Variants in PCDH11Y observed in about 807,000 individuals in gnomAD.
PCDH11Y encodes protocadherin 11 Y-linked.
For missense variants in PCDH11Y, 12 were observed against 224.8 expected, an observed-to-expected ratio of 0.05 and a Z score of 6.05; for synonymous variants, 9 against 83.6, an observed-to-expected ratio of 0.11 and a Z score of 4.87.
chrY:5,237,465 A>G (rs2052976726), intron 2 of PCDH11Y, among the ~76,000 whole-genome samples: 4 of 33,170 alleles, frequency 1.2e-4, no homozygotes, highest in Admixed American at 1.1e-3. Flanking sequence ...AGCCAATATC[A>G]TACTGAATGG....
intron 2 of PCDH11Y, among the ~76,000 whole-genome samples, chrY:5,203,636 C>G: frequency 3.2e-5 from 1 of 30,941 alleles, no homozygotes; most frequent in East Asian, 9.0e-4. Flanking sequence ...TCAGACTGAA[C>G]ATATCATATA....
chrY:5,383,047 C>CA (rs2053206762), intron 2 of PCDH11Y, among the ~76,000 whole-genome samples: 1 of 31,734 alleles, frequency 3.2e-5, no homozygotes, highest in African/African-American at 1.2e-4. Flanking sequence ...ACCGAAATTA[C>CA]AAAAAAATCA....
At chrY:5,423,841 G>C (rs2053260570) in intron 2 of PCDH11Y, among the ~76,000 whole-genome samples, 2 of 33,112 alleles carry the variant, frequency 6.0e-5, no homozygotes, top group Admixed American at 2.8e-4. Context: ...TGTTTGGAAA[G>C]ATAAAAATTC....
At chrY:5,178,427 T>C in intron 2 of PCDH11Y, among the ~76,000 whole-genome samples, 1 of 32,424 alleles carries the variant, frequency 3.1e-5, no homozygotes, top group Non-Finnish European at 7.6e-5. Context: ...GTTACTTTGC[T>C]GTTATTTAGA....
chrY:5,425,614 A>T, intron 2 of PCDH11Y, among the ~76,000 whole-genome samples: 2 of 32,920 alleles, frequency 6.1e-5, no homozygotes, highest in Non-Finnish European at 1.5e-4. Context: ...GTTAATTGTC[A>T]GTGTTAGATT....
chrY:5,671,633 T>G, intron 4 of PCDH11Y, among the ~76,000 whole-genome samples: 1 of 32,385 alleles, frequency 3.1e-5, no homozygotes, highest in Non-Finnish European at 7.7e-5. Flanking sequence ...CTGACCTTGT[T>G]CATGAGTTCT....
chrY:5,091,623 A>C, intron 1 of PCDH11Y, among the ~76,000 whole-genome samples: 1 of 33,609 alleles, frequency 3.0e-5, no homozygotes, highest in Non-Finnish European at 7.5e-5. Context: ...TTGTGAATTT[A>C]AATTAACACT....
At chrY:5,331,838 G>A in intron 2 of PCDH11Y, among the ~76,000 whole-genome samples, 1 of 33,466 alleles carries the variant, frequency 3.0e-5, no homozygotes, top group African/African-American at 1.2e-4. Context: ...CCTTAACCTT[G>A]GCAAAATAAA....
At chrY:5,345,947 G>T in intron 2 of PCDH11Y, among the ~76,000 whole-genome samples, 1 of 33,311 alleles carries the variant, frequency 3.0e-5, no homozygotes, top group Non-Finnish European at 7.4e-5. Flanking sequence ...ACAGGCGTGA[G>T]CCACCACGCC....
intron 3 of PCDH11Y, chrY:5,573,380 C>T: frequency 3.5e-6 from 1 of 284,621 alleles, no homozygotes; most frequent in East Asian, 9.6e-5. Context: ...GCATCCAGAA[C>T]AAGAAGACCA....
chrY:5,103,719 C>T, downstream of PCDH11Y, among the ~76,000 whole-genome samples: 1 of 32,254 alleles, frequency 3.1e-5, no homozygotes, highest in African/African-American at 1.2e-4. Flanking sequence ...TGAGGCTACA[C>T]ATTATCTTCT....
At chrY:5,473,204 T>C in intron 2 of PCDH11Y, among the ~76,000 whole-genome samples, 2 of 29,664 alleles carry the variant, frequency 6.7e-5, no homozygotes, top group Non-Finnish European at 1.6e-4. Flanking sequence ...CTTACCATTG[T>C]AGTAGTTTTT....
intron 4 of PCDH11Y, among the ~76,000 whole-genome samples, chrY:5,620,442 A>G: frequency 3.2e-5 from 1 of 31,462 alleles, no homozygotes; most frequent in African/African-American, 1.3e-4. Flanking sequence ...TCACAGGACC[A>G]TACAGATTCA....
At chrY:5,545,055 C>T in intron 3 of PCDH11Y, among the ~76,000 whole-genome samples, 1 of 32,085 alleles carries the variant, frequency 3.1e-5, no homozygotes, top group Admixed American at 2.9e-4. Flanking sequence ...ATTAAATTTT[C>T]ATTAACCTAG....
At chrY:5,291,964 G>A in intron 2 of PCDH11Y, among the ~76,000 whole-genome samples, 2 of 32,355 alleles carry the variant, frequency 6.2e-5, no homozygotes, top group Non-Finnish European at 1.5e-4. Context: ...ATCAGGAAGA[G>A]GTGTTTAATT....
intron 2 of PCDH11Y, among the ~76,000 whole-genome samples, chrY:5,173,093 C>T: frequency 3.1e-5 from 1 of 32,673 alleles, no homozygotes; most frequent in Non-Finnish European, 7.6e-5. Context: ...CTTTTGTCAC[C>T]TGGGTAACTG....
rs1602886683 is a variant in PCDH11Y at position 5,209,623 on chromosome Y, A to T, written c.3129+108916A>T. 9.0e-5 allele frequency among the ~76,000 whole-genome samples: 3 copies of T among 33,340 alleles called. No homozygotes were observed. In the East Asian group the frequency reaches 2.4e-3, roughly 27 times the overall value. 89.4% of individuals were successfully genotyped at this position (33,340 alleles called of 37,273 possible). A position where few individuals can be genotyped will look rare whatever the true frequency, so the allele number is the denominator to read the frequency against. On this transcript the variant is annotated intron_variant, in intron 2 of 4. Coordinates refer to the PCDH11Y transcript ENST00000400457. The stretch of plus-strand genomic sequence containing the variant: ...CTTTTTTTGTGCTGTTCCTCTAAGG[A>T]TTGCTTTCCTTTTCTTATGATCTAA...
At chrY:5,330,326 T>A in intron 2 of PCDH11Y, among the ~76,000 whole-genome samples, 1 of 32,991 alleles carries the variant, frequency 3.0e-5, no homozygotes, top group Admixed American at 2.7e-4. Context: ...GGCAGGGCAT[T>A]TTCACTTCTT....
Position 5,069,694 on chromosome Y carries a change from G to GCAGACTCCGCCCCATGGGGGTTCACTC in PCDH11Y, c.636+12236_636+12262dup, listed in dbSNP as rs2052696317. Reference sequence around the variant, plus strand: ...TGCAATGACGCGATCTCGGCTCACTGCAGACTCCGCCCCATGGGGGTTCAC... The same window carrying GCAGACTCCGCCCCATGGGGGTTCACTC: ...TGCAATGACGCGATCTCGGCTCACTGCAGACTCCGCCCCATGGGGGTTCACTCCAGACTCCGCCCCATGGGGGTTCAC... On this transcript the variant is annotated intron_variant, in intron 1 of 1. Transcript: ENST00000215473. Among the ~76,000 whole-genome samples, 86 of 30,229 alleles carry GCAGACTCCGCCCCATGGGGGTTCACTC rather than the reference G, an allele frequency of 2.8e-3. No homozygotes were observed. The East Asian group carries it at 0.044, about 15-fold the overall frequency. 81.1% of individuals were successfully genotyped at this position (30,229 alleles called of 37,273 possible).
Sources: allele counts gnomAD v4.1 joint callset (sites outside exome capture counted in the v4.1 genomes callset), GRCh38; gene constraint gnomAD v4.1.1; transcripts MANE v1.5; gene names NCBI Gene and HGNC (gene_info 2026-07-23, HGNC 2026-07-21).